KALRN: variants seen among roughly 807,000 people sequenced by gnomAD.
KALRN encodes the protein kalirin RhoGEF kinase, also known as kalirin.
In KALRN, 70 loss-of-function variants were observed where a neutral mutation model predicts 353.7. That is an observed-to-expected ratio of 0.20 (90% CI 0.16 to 0.24). KALRN has a LOEUF of 0.24. Among genes scored for constraint, KALRN ranks in the 10% least tolerant of loss-of-function variants. The probability of loss-of-function intolerance (pLI) is 1.00; values close to 1 mark genes in which losing one functional copy is unlikely to be tolerated. For missense variants in KALRN, 2,791 were observed against 3,756.7 expected (o/e 0.74, Z 6.72); for synonymous variants, 1,391 against 1,434.8 (o/e 0.97, Z 0.69).
intron 34 of KALRN, among the ~76,000 whole-genome samples, chr3:124,613,935 A>G (rs916795899): frequency 6.6e-6 from 1 of 152,206 alleles, no homozygotes; most frequent in African/African-American, 2.4e-5. Context: ...TATTAGTAAC[A>G]TATTTGGGTA....
intron 1 of KALRN, among the ~76,000 whole-genome samples, chr3:124,208,498 G>A (rs115419038): frequency 0.011 from 1,714 of 152,286 alleles, 28 homozygotes; most frequent in African/African-American, 0.039. Context: ...ACTAAACCTA[G>A]CAATTAAAGT....
rs2073859417 is a variant in KALRN, at chr3:124,268,884, G to A, written c.598G>A (p.Val200Met). 2.5e-6 allele frequency: 4 copies of A among 1,614,054 alleles called. No homozygotes were observed. Among genetic ancestry groups the A allele is most frequent in the Middle Eastern group, 1.6e-4 (1 of 6,062 alleles). Reference sequence around the variant, plus strand: ...CCTGGAGGAGTTCTTCAACAGCGCCGTGCACCTGCTCTCGCGCCTCGAGGA... The same window carrying A: ...CCTGGAGGAGTTCTTCAACAGCGCCATGCACCTGCTCTCGCGCCTCGAGGA... ...LSLEEFFNSA[V>M]HLLSRLEDLQ... The change falls in exon 5 of 60, where the codon GTG (valine) becomes ATG (methionine). Residue 200 changes from valine (V) to methionine (M), a missense_variant. Physicochemically the swap from Val to Met is conservative, Grantham distance 21. Around this residue, in one of 11 missense-constraint regions of KALRN, gnomAD observed 366 missense variants for 489.2 expected, o/e 0.75. Coordinates refer to ENST00000682506, the MANE Select transcript of KALRN (RefSeq NM_001388419.1).
intron 5 of KALRN, 92 bp from the exon 6 acceptor site, chr3:124,298,699 G>T: frequency 7.1e-7 from 1 of 1,411,866 alleles, no homozygotes. Context: ...GCACCAGCAG[G>T]AGAGCTTTTT....
At chr3:124,668,254 C>T (rs2085927737) in intron 47 of KALRN, among the ~76,000 whole-genome samples, 1 of 152,154 alleles carries the variant, frequency 6.6e-6, no homozygotes, top group Non-Finnish European at 1.5e-5. Flanking sequence ...GATCTGGACT[C>T]TTTCAAATGA....
intron 47 of KALRN, among the ~76,000 whole-genome samples, chr3:124,670,618 A>G (rs908199244): frequency 6.6e-6 from 1 of 152,196 alleles, no homozygotes; most frequent in Non-Finnish European, 1.5e-5. Context: ...CACAGTAGAA[A>G]TATCCTTGTA....
chr3:124,596,565 C>T (rs756608351), intron 34 of KALRN, among the ~76,000 whole-genome samples: 1 of 152,052 alleles, frequency 6.6e-6, no homozygotes, highest in Admixed American at 6.6e-5. Context: ...TTTTTTTGTA[C>T]CAAGTCTTTG....
chr3:124,320,161 G>A (rs1446585554), intron 6 of KALRN, among the ~76,000 whole-genome samples: 4 of 152,088 alleles, frequency 2.6e-5, no homozygotes, highest in East Asian at 1.9e-4. Flanking sequence ...GCTGAGTACC[G>A]TGGCTCTCAG....
chr3:124,154,538 G>A (rs1448611330), intron 1 of KALRN, among the ~76,000 whole-genome samples: 3 of 152,108 alleles, frequency 2.0e-5, no homozygotes, highest in Admixed American at 2.0e-4. Context: ...AAAATACTTA[G>A]GAATCCAACT....
intron 57 of KALRN, among the ~76,000 whole-genome samples, chr3:124,711,224 G>C (rs2062871750): frequency 6.6e-6 from 1 of 151,998 alleles, no homozygotes; most frequent in South Asian, 2.1e-4. Flanking sequence ...ATCTCACTAT[G>C]TTGTCCAGGC....
rs1432173740 is a variant in KALRN at position 124,658,531 on chromosome 3, G to C, written c.6123+14G>C. 5.0e-6 allele frequency: 8 copies of C among 1,609,000 alleles called. No homozygotes were observed. The Admixed American group carries it at 5.0e-5, about 10-fold the overall frequency. On this transcript the variant is annotated intron_variant, in intron 42 of 59. Transcript: ENST00000682506. ...GCCTACTTTGAGGTAAGCTGTGCAGGCTTTGCTGAACTGGGGTGGGAGGAA... is the reference window on the plus strand; with the variant it reads ...GCCTACTTTGAGGTAAGCTGTGCAGCCTTTGCTGAACTGGGGTGGGAGGAA...
intron 1 of KALRN, among the ~76,000 whole-genome samples, chr3:124,039,962 G>T (rs1577460714): frequency 6.6e-6 from 1 of 151,984 alleles, no homozygotes; most frequent in African/African-American, 2.4e-5. Context: ...AGGGAATGTT[G>T]TTAATATTTC....
chr3:124,713,390 C>A (rs996721313), intron 58 of KALRN, among the ~76,000 whole-genome samples: 2 of 152,164 alleles, frequency 1.3e-5, no homozygotes, highest in South Asian at 4.1e-4. Context: ...GGGACTTGAA[C>A]CCATATCTCT....
intron 15 of KALRN, among the ~76,000 whole-genome samples, chr3:124,429,849 G>A (rs1380261189): frequency 6.6e-6 from 1 of 152,100 alleles, no homozygotes; most frequent in Admixed American, 6.5e-5. Flanking sequence ...CAGAATATGG[G>A]TTATTACTTC....
chr3:124,632,766 G>T, intron 35 of KALRN, 63 bp downstream of exon 35: 1 of 1,502,598 alleles, frequency 6.7e-7, no homozygotes, highest in East Asian at 2.3e-5. Context: ...TCCTTCCTCA[G>T]GTTTTGTCAA....
chr3:124,055,817 C>T (rs913219010), intron 1 of KALRN, among the ~76,000 whole-genome samples: 2 of 152,182 alleles, frequency 1.3e-5, no homozygotes, highest in African/African-American at 2.4e-5. Context: ...TGAGGGCAAT[C>T]GCTTTACATC....
chr3:124,418,575 T>A lies in KALRN; in HGVS notation c.2543-4237T>A, dbSNP rs572318059. Among the ~76,000 whole-genome samples the A allele has an allele frequency of 9.2e-5, 14 of 152,308 alleles. No individual in the cohort carries two copies. In the South Asian group the frequency reaches 2.9e-3, roughly 32 times the overall value. On this transcript the variant is annotated intron_variant, in intron 14 of 59. Coordinates refer to ENST00000682506, the MANE Select transcript of KALRN (RefSeq NM_001388419.1). ...CAATATTTAAAGAACACAAACAGTT[T>A]TTTAAAACATGTTACAAGTATGGGC...
At chr3:124,464,402 A>T (rs2060132975) in intron 25 of KALRN, among the ~76,000 whole-genome samples, 1 of 152,220 alleles carries the variant, frequency 6.6e-6, no homozygotes, top group Non-Finnish European at 1.5e-5. Context: ...TTCTGCTGTC[A>T]TGATATCACT....
chr3:124,467,635 G>A (rs1289785749), intron 25 of KALRN, among the ~76,000 whole-genome samples: 1 of 152,170 alleles, frequency 6.6e-6, no homozygotes, highest in Non-Finnish European at 1.5e-5. Flanking sequence ...GGCAATAGGG[G>A]GTTTGGGAGT....
rs138813572 is a variant in KALRN at position 124,454,754 on chromosome 3, G to A, written c.3553-423G>A. Among the ~76,000 whole-genome samples, 196 of 151,988 alleles carry A rather than the reference G, an allele frequency of 1.3e-3. 2 individuals carry two copies. The South Asian group carries it at 0.025, about 19-fold the overall frequency. On this transcript the variant is annotated intron_variant, in intron 21 of 59. Transcript: ENST00000682506. ...CTTGTCATCATTCCCTAAGCCATACGGAATAACAACTATTTACTTAGTATT... is the reference window on the plus strand; with the variant it reads ...CTTGTCATCATTCCCTAAGCCATACAGAATAACAACTATTTACTTAGTATT...
Sources: allele counts gnomAD v4.1 joint callset (sites outside exome capture counted in the v4.1 genomes callset), GRCh38; gene constraint gnomAD v4.1.1; regional missense constraint gnomAD v4.1.1; transcripts MANE v1.5; gene names NCBI Gene and HGNC (gene_info 2026-07-23, HGNC 2026-07-21).